The following NACAD variants were observed in gnomAD, a reference collection of about 807,000 sequenced individuals.
The protein encoded by NACAD is NAC-alpha domain-containing protein 1.
Under a neutral mutation model 98.9 loss-of-function variants are expected in NACAD, and 47 were observed. The ratio of observed to expected loss-of-function variants is 0.48; its 90% CI spans 0.38 to 0.61. The LOEUF (loss-of-function observed/expected upper bound fraction) is 0.61. Ranked by LOEUF, NACAD falls within the 20% of genes least tolerant of loss-of-function variation. The probability of loss-of-function intolerance (pLI) is 0.00; values close to 1 mark genes in which losing one functional copy is unlikely to be tolerated. For synonymous variants in NACAD, 696 were observed against 767.2 expected, an observed-to-expected ratio of 0.91 and a Z score of 1.53; for missense variants, 1,412 against 1,748.2, an observed-to-expected ratio of 0.81 and a Z score of 3.43.
Position 45,082,332 on chromosome 7 carries a change from G to A in NACAD, c.3848C>T (p.Ala1283Val), listed in dbSNP as rs1465271619. The change falls in exon 2 of 8, where the codon GCT (alanine) becomes GTT (valine). Residue 1283 changes from alanine (A) to valine (V), a missense_variant. Around this residue, in one of 5 missense-constraint regions of NACAD, gnomAD observed 572 missense variants for 639.6 expected, o/e 0.89. Transcript: ENST00000490531. This position sits in a 1 kb window ranked among gnomAD's most constrained non-coding sequence, Gnocchi z 4.5. ...CAGAGGCTGTGTGGTTCCTGAGACA[G>A]CAGCAGCGGCAGGCTGGACTCCTGC... ...PQAGVQPAAAAVSGTTQPLGT... is the reference protein window; with the variant it reads ...PQAGVQPAAAVVSGTTQPLGT... 2.6e-6 allele frequency: 4 copies of A among 1,550,362 alleles called. No individual in the cohort carries two copies. The highest frequency in any genetic ancestry group is 2.6e-6 in the Non-Finnish European group (3 of 1,146,968).
chr7:45,085,355 G>A lies in NACAD; in HGVS notation c.825C>T (p.Ser275=), dbSNP rs922813204. 1 of 1,550,446 alleles carries A rather than the reference G, an allele frequency of 6.4e-7. No individual in the cohort carries two copies. The highest frequency in any genetic ancestry group is 2.0e-5 in the Admixed American group (1 of 50,986). Residue 275 remains serine, a synonymous_variant, in exon 2 of 8, where the codon TCC becomes TCT. Transcript: ENST00000490531. The surrounding 1 kb of genome is among the most constrained non-coding windows in gnomAD (Gnocchi z 6.1). Reference sequence around the variant, plus strand: ...TGTCTGCAGAGAGGCTGGACTCAGAGGACGGGGGCTCTGGGGTCCCTGCTG... The same window carrying A: ...TGTCTGCAGAGAGGCTGGACTCAGAAGACGGGGGCTCTGGGGTCCCTGCTG... ...LHPAGTPEPP[S]SESSLSADSS...
chr7:45,081,059 T>TC (rs754200043), intron 5 of NACAD, 37 bp from the exon 6 acceptor site: 161 of 1,550,376 alleles, frequency 1.0e-4, no homozygotes, highest in East Asian at 3.2e-4. Context: ...GTAGAGCCTG[T>TC]CCCCCCCTTG....
rs895700377 is a variant in NACAD, at chr7:45,082,281, G to C, written c.3899C>G (p.Ser1300Trp). 5.5e-5 allele frequency: 85 copies of C among 1,550,554 alleles called. No individual in the cohort carries two copies. The highest frequency in any genetic ancestry group is 7.1e-5 in the Non-Finnish European group (82 of 1,146,966). Residue 1300 changes from serine (S) to tryptophan (W), a missense_variant, in exon 2 of 8, where the codon TCG becomes TGG. By Grantham distance (177) the Ser-to-Trp change is radical. This residue lies in a region of NACAD where 572 missense variants were observed against 639.6 expected (regional missense o/e 0.89). Coordinates refer to ENST00000490531, the MANE Select transcript of NACAD (RefSeq NM_001146334.2). This position sits in a 1 kb window ranked among gnomAD's most constrained non-coding sequence, Gnocchi z 4.5. The part of the protein sequence containing the change: ...PLGTGPRVSL[S>W]PHSPLLSPKV... ...GGGGCTGAGGAGTGGGGAGTGAGGC[G>C]AGAGGCTGACTCGCGGCCCAGTCCC...
At position 45,083,118 on chromosome 7, in the gene NACAD, G is replaced by T. The variant is rs1784460316; in HGVS notation, c.3062C>A (p.Ser1021Tyr). 2 of 1,550,706 alleles carry T rather than the reference G, an allele frequency of 1.3e-6. No homozygotes were observed. The highest frequency in any genetic ancestry group is 1.7e-6 in the Non-Finnish European group (2 of 1,147,018). ...ACTGAGGGCCTCCATGCCCAAAGTG[G>T]AATCCGCATCTTCCTGTGCGGCCCA... Reference protein sequence around the residue: ...TPWAAQEDADSTLGMEALSLP... With the variant: ...TPWAAQEDADYTLGMEALSLP... The change falls in exon 2 of 8, where the codon TCC (serine) becomes TAC (tyrosine). Residue 1021 changes from serine to tyrosine, a missense_variant. Physicochemically the swap from Ser to Tyr is moderately radical, Grantham distance 144. This residue lies in a region of NACAD where 572 missense variants were observed against 639.6 expected (regional missense o/e 0.89). Coordinates refer to ENST00000490531, the MANE Select transcript of NACAD (RefSeq NM_001146334.2).
rs546600612 is a variant in NACAD, at chr7:45,085,848, A to C, written c.332T>G (p.Leu111Arg). 132 of 1,543,764 alleles carry C rather than the reference A, an allele frequency of 8.6e-5. No individual in the cohort carries two copies. In the East Asian group the frequency reaches 2.9e-3, roughly 34 times the overall value. ...AATCCGGGGCTCCAGGGTGGCCGGG[A>C]GAGGAGCCTCCGTGGACAGAGCCTG... ...SSQALSTEAPLPATLEPRIVM... is the reference protein window; with the variant it reads ...SSQALSTEAPRPATLEPRIVM... Residue 111 changes from leucine to arginine, a missense_variant, in exon 2 of 8, where the codon CTC becomes CGC. By Grantham distance (102) the Leu-to-Arg change is moderately radical (BLOSUM62 -2). Coordinates refer to ENST00000490531, the MANE Select transcript of NACAD (RefSeq NM_001146334.2). The surrounding 1 kb of genome is among the most constrained non-coding windows in gnomAD (Gnocchi z 6.1).
rs1784551692 is a variant in NACAD at position 45,088,293 on chromosome 7, A to G, written c.67+535T>C. On this transcript the variant is annotated intron_variant, in intron 1 of 7. Coordinates refer to ENST00000490531, the MANE Select transcript of NACAD (RefSeq NM_001146334.2). This position sits in a 1 kb window ranked among gnomAD's most constrained non-coding sequence, Gnocchi z 5.7. ...CAAGGCCTTCCACCTTCCAGACCCA[A>G]CTTAGGCTTTATTCCACCACCTGGC... Among the ~76,000 whole-genome samples the G allele has an allele frequency of 6.6e-6, 1 of 152,006 alleles. No individual in the cohort carries two copies. The highest frequency in any genetic ancestry group is 2.1e-4 in the South Asian group (1 of 4,818).
chr7:45,085,124 A>T lies in NACAD; in HGVS notation c.1056T>A (p.Gly352=), dbSNP rs968968046. 1 of 1,549,342 alleles carries T rather than the reference A, an allele frequency of 6.5e-7. No individual in the cohort carries two copies. Among genetic ancestry groups the T allele is most frequent in the Non-Finnish European group, 8.7e-7 (1 of 1,146,286 alleles). The change falls in exon 2 of 8, where the codon GGT becomes GGA. Residue 352 remains glycine, a synonymous_variant. Coordinates refer to ENST00000490531, the MANE Select transcript of NACAD (RefSeq NM_001146334.2). The surrounding 1 kb of genome is among the most constrained non-coding windows in gnomAD (Gnocchi z 6.1). ...PDPGGDLAGE[G]EEDSTSASFL... ...AGGAGGCAGACGTGCTGTCCTCCTC[A>T]CCCTCCCCAGCCAGGTCCCCACCTG...
In NACAD at chr7:45,083,215, C is replaced by G. The variant is rs1784461825; in HGVS notation, c.2965G>C (p.Val989Leu). 1 of 1,550,936 alleles carries G rather than the reference C, an allele frequency of 6.4e-7. No homozygotes were observed. Among genetic ancestry groups the G allele is most frequent in the Non-Finnish European group, 8.7e-7 (1 of 1,146,968 alleles). The part of the protein sequence containing the change: ...PEEKNAALPT[V>L]PEPAALDQVQ... ...TGGTCCAAGGCTGCAGGCTCCGGGA[C>G]TGTAGGGAGGGCTGCATTCTTCTCC... is the stretch of plus-strand genomic sequence containing the variant. Residue 989 changes from valine to leucine, a missense_variant, in exon 2 of 8, where the codon GTC (valine) becomes CTC (leucine). Val to Leu is a conservative substitution (Grantham distance 32, BLOSUM62 1). This residue lies in a region of NACAD where 572 missense variants were observed against 639.6 expected (regional missense o/e 0.89). Transcript: ENST00000490531.
rs554726147 is a variant in NACAD at position 45,081,283 on chromosome 7, G to T, written c.4258-20C>A. 17 of 1,550,090 alleles carry T rather than the reference G, an allele frequency of 1.1e-5. No homozygotes were observed. The highest frequency in any genetic ancestry group is 1.3e-5 in the Non-Finnish European group (15 of 1,146,582). ...CATTGCCTGGGAGTAGAGGGCAGAG[G>T]GGGGCTCAGACCTGGTGTTGACCCA... On this transcript the variant is annotated intron_variant, in intron 4 of 7. Transcript: ENST00000490531.
Position 45,082,661 on chromosome 7 carries a change from G to C in NACAD, c.3519C>G (p.Pro1173=), listed in dbSNP as rs1247997269. ...GCTGCTGGGAGGTTGGTGCAGACGT[G>C]GGGGCAGGCGCGTCAGGGCAGCCTC... is the stretch of plus-strand genomic sequence containing the variant. The part of the protein sequence containing the change: ...LDRGCPDAPA[P]TSAPTSQQPE... Residue 1173 remains proline, a synonymous_variant, in exon 2 of 8, where the codon CCC becomes CCG. Transcript: ENST00000490531. This position sits in a 1 kb window ranked among gnomAD's most constrained non-coding sequence, Gnocchi z 4.5. 7 of 1,507,632 alleles carry C rather than the reference G, an allele frequency of 4.6e-6. No homozygotes were observed. Among genetic ancestry groups the C allele is most frequent in the Non-Finnish European group, 5.3e-6 (6 of 1,124,260 alleles). The allele number at this position is 1,507,632 out of a possible 1,614,324, so 93.4% of individuals were successfully genotyped here. A position where few individuals can be genotyped will look rare whatever the true frequency, so the allele number is the denominator to read the frequency against.
At position 45,083,198 on chromosome 7, in the gene NACAD, G is replaced by A. The variant is rs1224000609; in HGVS notation, c.2982C>T (p.Ala994=). The A allele has an allele frequency of 3.2e-6, 5 of 1,550,784 alleles. No individual in the cohort carries two copies. Among genetic ancestry groups the A allele is most frequent in the Non-Finnish European group, 4.4e-6 (5 of 1,146,984 alleles). Residue 994 remains alanine (A), a synonymous_variant, in exon 2 of 8, where the codon GCC becomes GCT. Coordinates refer to ENST00000490531, the MANE Select transcript of NACAD (RefSeq NM_001146334.2). ...GGTCATCCTGTTGGACCTGGTCCAA[G>A]GCTGCAGGCTCCGGGACTGTAGGGA... is the stretch of plus-strand genomic sequence containing the variant. ...AALPTVPEPA[A]LDQVQQDDPQ...
chr7:45,087,805 T>C (rs373765990), intron 1 of NACAD, among the ~76,000 whole-genome samples: 8 of 152,324 alleles, frequency 5.3e-5, no homozygotes, highest in Admixed American at 1.3e-4. Flanking sequence ...TGGTGGGGCA[T>C]CACTGGGTGC....
Position 45,080,974 on chromosome 7 carries a change from T to G in NACAD, c.4453A>C (p.Lys1485Gln). 1 of 1,551,986 alleles carries G rather than the reference T, an allele frequency of 6.4e-7. No homozygotes were observed. Among genetic ancestry groups the G allele is most frequent in the Non-Finnish European group, 8.7e-7 (1 of 1,147,148 alleles). Residue 1485 changes from lysine to glutamine, a missense_variant, in exon 6 of 8, where the codon AAG (lysine) becomes CAG (glutamine). Physicochemically the swap from Lys to Gln is moderately conservative, Grantham distance 53. Coordinates refer to ENST00000490531, the MANE Select transcript of NACAD (RefSeq NM_001146334.2). ...AAGGCTGAGGGCTCTGAGGGCACCTTAAACTTCTCAGCTGCGGCTTTGTGC... is the reference window on the plus strand; with the variant it reads ...AAGGCTGAGGGCTCTGAGGGCACCTGAAACTTCTCAGCTGCGGCTTTGTGC... ...QVHKAAAEKF[K>Q]VPSEPSALVP...
At position 45,082,813 on chromosome 7, in the gene NACAD, C is replaced by G; in HGVS notation, c.3367G>C (p.Ala1123Pro). The G allele has an allele frequency of 6.5e-7, 1 of 1,549,696 alleles. No individual in the cohort carries two copies. Among genetic ancestry groups the G allele is most frequent in the Non-Finnish European group, 8.7e-7 (1 of 1,146,628 alleles). Residue 1123 changes from alanine (A) to proline (P), a missense_variant, in exon 2 of 8, where the codon GCC becomes CCC. By Grantham distance (27) the Ala-to-Pro change is conservative. Coordinates refer to ENST00000490531, the MANE Select transcript of NACAD (RefSeq NM_001146334.2). The surrounding 1 kb of genome is among the most constrained non-coding windows in gnomAD (Gnocchi z 4.5). ...CCACTCAGGCCTCTTTCCTCCCTGG[C>G]TGGGCTCAGGAGCCGGGCCTGGCTG... ...EVSQARLLSP[A>P]REERGLSGKS...
intron 1 of NACAD, among the ~76,000 whole-genome samples, chr7:45,087,978 G>A (rs905725884): frequency 3.9e-5 from 6 of 152,190 alleles, no homozygotes; most frequent in Admixed American, 2.0e-4. Flanking sequence ...CTGGGGCTGG[G>A]AAGTCTGGGC....
chr7:45,081,374 C>T, intron 4 of NACAD, 111 bp from the exon 5 acceptor site: 2 of 1,433,516 alleles, frequency 1.4e-6, no homozygotes, highest in Non-Finnish European at 1.9e-6. Context: ...TTCCCCAAGA[C>T]CTTGGGCTGG....
At position 45,088,773 on chromosome 7, in the gene NACAD, C is replaced by T. The variant is rs1268350221; in HGVS notation, c.67+55G>A. ...TGAAAGGTGAGCGATGGAAAGAGAA[C>T]CCGGGCTGGAGAGGGGAGAGGCTGA... On this transcript the variant is annotated intron_variant, in intron 1 of 7. Coordinates refer to ENST00000490531, the MANE Select transcript of NACAD (RefSeq NM_001146334.2). The surrounding 1 kb of genome is among the most constrained non-coding windows in gnomAD (Gnocchi z 5.7). The T allele has an allele frequency of 2.8e-6, 4 of 1,408,490 alleles. No homozygotes were observed. Among genetic ancestry groups the T allele is most frequent in the South Asian group, 2.8e-5 (2 of 71,474 alleles). The allele number at this position is 1,408,490 out of a possible 1,614,324, so 87.2% of individuals were successfully genotyped here. A position where few individuals can be genotyped will look rare whatever the true frequency, so the allele number is the denominator to read the frequency against.
Position 45,088,890 on chromosome 7 carries a change from G to A in NACAD, c.5C>T (p.Pro2Leu), listed in dbSNP as rs1316980936. ...CAGCTCGGCGCGGGCAGCCTCCCCA[G>A]GCATGGCCTGGCCGTGCGCCCGCCC... M[P>L]GEAARAELLL... The change falls in exon 1 of 8, where the codon CCT becomes CTT. Residue 2 changes from proline (P) to leucine (L), a missense_variant. Pro to Leu is a moderately conservative substitution (Grantham distance 98). Coordinates refer to ENST00000490531, the MANE Select transcript of NACAD (RefSeq NM_001146334.2). The surrounding 1 kb of genome is among the most constrained non-coding windows in gnomAD (Gnocchi z 5.7). 2.7e-6 allele frequency: 4 copies of A among 1,456,800 alleles called. No homozygotes were observed. The highest frequency in any genetic ancestry group is 4.8e-5 in the Admixed American group (2 of 41,974). The allele number at this position is 1,456,800 out of a possible 1,614,324, so 90.2% of individuals were successfully genotyped here.
rs1349526372 is a variant in NACAD at position 45,085,077 on chromosome 7, A to G, written c.1103T>C (p.Leu368Pro). The stretch of plus-strand genomic sequence containing the variant: ...CTCGTCCATGCCCTCCGTGATGGAC[A>G]GGTCAGACAGTGACTGCAGGAAGGA... ...SASFLQSLSD[L>P]SITEGMDEAF... The change falls in exon 2 of 8, where the codon CTG (leucine) becomes CCG (proline). Residue 368 changes from leucine (L) to proline (P), a missense_variant. Around this residue, in one of 5 missense-constraint regions of NACAD, gnomAD observed 638 missense variants for 722.7 expected, o/e 0.88. Transcript: ENST00000490531. The surrounding 1 kb of genome is among the most constrained non-coding windows in gnomAD (Gnocchi z 6.1). The G allele has an allele frequency of 6.4e-7, 1 of 1,551,094 alleles. No homozygotes were observed. Among genetic ancestry groups the G allele is most frequent in the Admixed American group, 2.0e-5 (1 of 50,996 alleles).
Sources: gnomAD v4.1 joint callset for allele counts (sites outside exome capture counted in the v4.1 genomes callset) on GRCh38, gnomAD v4.1.1 for gene constraint, gnomAD v4.1.1 regional missense constraint, Gnocchi (gnomAD v3.1) non-coding constraint, MANE v1.5 for transcripts, NCBI Gene and HGNC (gene_info 2026-07-23, HGNC 2026-07-21) for gene names.